CLVS1: variants seen among roughly 807,000 people sequenced by gnomAD.
The protein encoded by CLVS1 is clavesin-1.
Under a neutral mutation model 33.1 loss-of-function variants are expected in CLVS1, and 10 were observed. The ratio of observed to expected loss-of-function variants is 0.30; its 90% CI spans 0.19 to 0.51. CLVS1 has a LOEUF of 0.51. Ranked by LOEUF, CLVS1 falls within the 20% of genes least tolerant of loss-of-function variation. The pLI is 0.97. For synonymous variants in CLVS1, 163 were observed against 166.1 expected (o/e 0.98, Z 0.14); for missense variants, 343 against 433.4 (o/e 0.79, Z 1.85).
At chr8:61,166,617 A>C (rs1193697918) in intron 2 of CLVS1, among the ~76,000 whole-genome samples, 4 of 152,168 alleles carry the variant, frequency 2.6e-5, no homozygotes, top group Non-Finnish European at 4.4e-5. Flanking sequence ...TATGCTAAAA[A>C]AAATTTTTTT....
rs1227429364 is a variant in CLVS1 at position 61,201,971 on chromosome 8, G to T, written c.-152+70111G>T. On this transcript the variant is annotated intron_variant, in intron 2 of 2. Transcript: ENST00000522621. ...CTACTGCTGTGTCTGGTTTCCATCG[G>T]CTGGAATGGGATCTAACATTCTGTA... Among the ~76,000 whole-genome samples, 3 of 152,148 alleles carry T rather than the reference G, an allele frequency of 2.0e-5. No homozygotes were observed. The East Asian group carries it at 5.8e-4, about 29-fold the overall frequency.
rs562496826 is a variant in CLVS1 at position 61,232,148 on chromosome 8, C to G, written c.-151-67529C>G. ...CTCCCGGGTTCAGGCCATTCTCCTACCTCAGCCTCCCACGTAGCTGGGACT... is the reference window on the plus strand; with the variant it reads ...CTCCCGGGTTCAGGCCATTCTCCTAGCTCAGCCTCCCACGTAGCTGGGACT... On this transcript the variant is annotated intron_variant, in intron 2 of 2. Transcript: ENST00000522621. Among the ~76,000 whole-genome samples the G allele has an allele frequency of 3.4e-5, 5 of 145,978 alleles. No homozygotes were observed. The East Asian group carries it at 8.0e-4, about 23-fold the overall frequency.
chr8:61,304,170 T>C (rs1228569182), intron 2 of CLVS1, among the ~76,000 whole-genome samples: 1 of 152,252 alleles, frequency 6.6e-6, no homozygotes, highest in Non-Finnish European at 1.5e-5. Context: ...ATATCTCATG[T>C]GAAGGGTTTA....
chr8:61,409,512 A>G (rs539328733), intron 3 of CLVS1, among the ~76,000 whole-genome samples: 1 of 152,328 alleles, frequency 6.6e-6, no homozygotes, highest in Admixed American at 6.5e-5. Flanking sequence ...ATAGTATCCC[A>G]TTAAATAAAT....
chr8:60,981,886 A>T, the CLVS1 span, among the ~76,000 whole-genome samples: 1 of 152,256 alleles, frequency 6.6e-6, no homozygotes, highest in Admixed American at 6.5e-5. Context: ...GACGAATTAG[A>T]TGGGGTGTCA....
chr8:61,060,579 G>A (rs1211368765), intron 1 of CLVS1, among the ~76,000 whole-genome samples: 2 of 152,152 alleles, frequency 1.3e-5, no homozygotes, highest in Non-Finnish European at 2.9e-5. Flanking sequence ...CCTGTGAAAT[G>A]AGAACAGGTC....
chr8:61,335,930 G>A (rs1480290663), intron 2 of CLVS1, among the ~76,000 whole-genome samples: 2 of 152,146 alleles, frequency 1.3e-5, no homozygotes, highest in Non-Finnish European at 2.9e-5. Flanking sequence ...AATCAGCAGT[G>A]ACATAAAATA....
intron 3 of CLVS1, among the ~76,000 whole-genome samples, chr8:61,436,666 C>T (rs571075553): frequency 1.3e-5 from 2 of 152,332 alleles, no homozygotes; most frequent in East Asian, 1.9e-4. Context: ...CCTTAAAACA[C>T]TGGCAAGACC....
chr8:61,285,587 C>T (rs560822942), upstream of CLVS1, among the ~76,000 whole-genome samples: 1 of 152,194 alleles, frequency 6.6e-6, no homozygotes, highest in Non-Finnish European at 1.5e-5. Context: ...TGCCTGACCT[C>T]GCTCCTGGCA....
intron 1 of CLVS1, among the ~76,000 whole-genome samples, chr8:61,116,202 C>T (rs574429811): frequency 1.2e-4 from 18 of 151,856 alleles, no homozygotes; most frequent in South Asian, 8.3e-4. Context: ...ATGTCCTTTG[C>T]CCACTTTTTG....
At chr8:61,179,109 A>G (rs1807178620) in intron 2 of CLVS1, among the ~76,000 whole-genome samples, 1 of 152,196 alleles carries the variant, frequency 6.6e-6, no homozygotes, top group African/African-American at 2.4e-5. Flanking sequence ...CCCATCTCAC[A>G]TGCAAAGACA....
chr8:61,304,610 A>G (rs980284314), intron 2 of CLVS1, among the ~76,000 whole-genome samples: 1 of 152,158 alleles, frequency 6.6e-6, no homozygotes, highest in African/African-American at 2.4e-5. Context: ...TTTCCCACCT[A>G]AACTCGTATC....
intron 2 of CLVS1, among the ~76,000 whole-genome samples, chr8:61,254,435 T>A (rs764874992): frequency 1.3e-5 from 2 of 152,112 alleles, no homozygotes; most frequent in Non-Finnish European, 2.9e-5. Flanking sequence ...GATCCACTAC[T>A]CTCTTCAAAG....
At chr8:60,973,409 T>G in the CLVS1 span, among the ~76,000 whole-genome samples, 1 of 152,228 alleles carries the variant, frequency 6.6e-6, no homozygotes, top group Non-Finnish European at 1.5e-5. Context: ...TCTTTTCATA[T>G]TGTCATTGAT....
In CLVS1 at chr8:61,215,696, G is replaced by A. The variant is rs1401144059; in HGVS notation, c.-152+83836G>A. On this transcript the variant is annotated intron_variant, in intron 2 of 2. Coordinates refer to the CLVS1 transcript ENST00000522621. ...TGAAATTGAAAATGTGTGTGTGTGT[G>A]TGTGTGTGTGTGTGTGTGTGTGTGT... is the stretch of plus-strand genomic sequence containing the variant. Among the ~76,000 whole-genome samples the A allele has an allele frequency of 4.6e-3, 216 of 46,918 alleles. 1 individual carries two copies. Among genetic ancestry groups the A allele is most frequent in the Middle Eastern group, 7.7e-3 (1 of 130 alleles). The allele number at this position is 46,918 out of a possible 152,430, so 30.8% of individuals were successfully genotyped here.
intron 2 of CLVS1, among the ~76,000 whole-genome samples, chr8:61,355,476 C>T (rs1235299626): frequency 6.6e-6 from 1 of 151,966 alleles, no homozygotes; most frequent in Non-Finnish European, 1.5e-5. Context: ...AGGTTAGTTA[C>T]ATATGTATAC....
chr8:61,070,709 G>A (rs1377817797), intron 1 of CLVS1, among the ~76,000 whole-genome samples: 2 of 152,226 alleles, frequency 1.3e-5, no homozygotes, highest in Admixed American at 6.5e-5. Flanking sequence ...GCACAGTGGT[G>A]TACACCTGTA....
At chr8:60,996,061 T>G in the CLVS1 span, among the ~76,000 whole-genome samples, 11 of 152,306 alleles carry the variant, frequency 7.2e-5, 1 homozygote, top group South Asian at 2.1e-4. Context: ...TACCTAATGC[T>G]AGATGACGAG....
At chr8:61,421,855 C>T (rs186904556) in intron 3 of CLVS1, among the ~76,000 whole-genome samples, 40 of 152,180 alleles carry the variant, frequency 2.6e-4, no homozygotes, top group Non-Finnish European at 3.5e-4. Flanking sequence ...GTGCTAGGAA[C>T]CTTCATTCTG....
Sources: allele counts gnomAD v4.1 joint callset (sites outside exome capture counted in the v4.1 genomes callset), GRCh38; gene constraint gnomAD v4.1.1; transcripts MANE v1.5; gene names NCBI Gene and HGNC (gene_info 2026-07-23, HGNC 2026-07-21).